The following FGGY variants were observed in gnomAD, a reference collection of about 807,000 sequenced individuals.
The protein encoded by FGGY is FGGY carbohydrate kinase domain-containing protein.
FGGY carries 72 observed loss-of-function variants against 71.3 expected under a neutral mutation model. That is an observed-to-expected ratio of 1.01 (90% CI 0.84 to 1.23). The LOEUF is 1.23. Among genes scored for constraint, FGGY ranks in the 50% most tolerant of loss-of-function variants. FGGY has a pLI of 0.00. For synonymous variants in FGGY, 251 were observed against 250.3 expected (o/e 1.00, Z -0.02); for missense variants, 668 against 682.3 (o/e 0.98, Z 0.23).
chr1:59,719,891 G>A (rs1250880845), intron 14 of FGGY, among the ~76,000 whole-genome samples: 2 of 152,196 alleles, frequency 1.3e-5, no homozygotes, highest in East Asian at 1.9e-4. Flanking sequence ...AGTGTGGCAT[G>A]CATCACCCTT....
chr1:59,455,322 A>C (rs1408159307), intron 5 of FGGY, among the ~76,000 whole-genome samples: 1 of 152,222 alleles, frequency 6.6e-6, no homozygotes, highest in Non-Finnish European at 1.5e-5. Flanking sequence ...ATGAAGGCTA[A>C]CTAAGAGTTA....
chr1:59,673,735 C>T (rs1475062214), intron 13 of FGGY: 2 of 319,536 alleles, frequency 6.3e-6, no homozygotes, highest in Non-Finnish European at 1.2e-5. Flanking sequence ...TGGATCTGAA[C>T]TTGAATCAAA....
intron 14 of FGGY, among the ~76,000 whole-genome samples, chr1:59,684,288 C>T (rs562080773): frequency 4.6e-5 from 7 of 152,184 alleles, no homozygotes; most frequent in Non-Finnish European, 1.0e-4. Context: ...GGGTGAGTTA[C>T]TTAGTTTCTC....
chr1:59,383,597 A>G (rs751856300), intron 5 of FGGY, among the ~76,000 whole-genome samples: 1 of 152,032 alleles, frequency 6.6e-6, no homozygotes, highest in Non-Finnish European at 1.5e-5. Flanking sequence ...CAATACTAAC[A>G]TCAACAAACC....
At chr1:59,421,816 A>G (rs2065487205) in intron 5 of FGGY, among the ~76,000 whole-genome samples, 1 of 151,836 alleles carries the variant, frequency 6.6e-6, no homozygotes, top group Admixed American at 6.6e-5. Context: ...TGACTAGACT[A>G]CCACTCCACA....
rs549410444 is a variant in FGGY at position 59,480,001 on chromosome 1, G to A, written c.670+22925G>A. ...GCTGTCAGTCTTAGGCTCCAAATACGTCTATAATTCATGAACTCTTTCCAC... is the reference window on the plus strand; with the variant it reads ...GCTGTCAGTCTTAGGCTCCAAATACATCTATAATTCATGAACTCTTTCCAC... On this transcript the variant is annotated intron_variant, in intron 6 of 15. Transcript: ENST00000303721. Among the ~76,000 whole-genome samples, 14 of 152,074 alleles carry A rather than the reference G, an allele frequency of 9.2e-5. No homozygotes were observed. The East Asian group carries it at 1.7e-3, about 19-fold the overall frequency.
intron 8 of FGGY, among the ~76,000 whole-genome samples, chr1:59,597,234 C>A (rs1430504271): frequency 6.6e-6 from 1 of 152,170 alleles, no homozygotes; most frequent in Admixed American, 6.5e-5. Context: ...TTGGGAAACA[C>A]TTCCAAAAGG....
Position 59,418,719 on chromosome 1 carries a change from T to TG in FGGY, c.555-38242_555-38241insG, listed in dbSNP as rs1176836246. The stretch of plus-strand genomic sequence containing the variant: ...TGGCAGTTTTTTGATTTTTTCTTTT[T>TG]TTGTGTGTGTGTGTGTGACTCAGTT... On this transcript the variant is annotated intron_variant, in intron 5 of 15. Coordinates refer to ENST00000303721, the MANE Select transcript of FGGY (RefSeq NM_018291.5). 1.2e-3 allele frequency among the ~76,000 whole-genome samples: 189 copies of TG among 152,250 alleles called. 3 individuals are homozygous for TG. The highest frequency in any genetic ancestry group is 3.6e-3 in the African/African-American group (149 of 41,548).
At chr1:59,750,156 A>C (rs925882163) in intron 14 of FGGY, among the ~76,000 whole-genome samples, 1 of 152,140 alleles carries the variant, frequency 6.6e-6, no homozygotes, top group African/African-American at 2.4e-5. Context: ...CCCCAAGCCC[A>C]TTTATCTCTA....
intron 14 of FGGY, among the ~76,000 whole-genome samples, chr1:59,727,866 C>G (rs2097967232): frequency 6.6e-6 from 1 of 152,114 alleles, no homozygotes; most frequent in Non-Finnish European, 1.5e-5. Flanking sequence ...ATTAATGTAA[C>G]TACTACAACT....
intron 4 of FGGY, 38 bp from the exon 5 acceptor site, chr1:59,378,711 A>C: frequency 6.4e-7 from 1 of 1,566,470 alleles, no homozygotes; most frequent in East Asian, 2.3e-5. Context: ...TGGTAGAAAA[A>C]CCCCCTAATT....
intron 12 of FGGY, among the ~76,000 whole-genome samples, chr1:59,662,928 G>T (rs1480244029): frequency 1.3e-5 from 2 of 152,160 alleles, no homozygotes; most frequent in Non-Finnish European, 2.9e-5. Context: ...TAATGTTATT[G>T]TATAAAAGAG....
intron 1 of FGGY, among the ~76,000 whole-genome samples, chr1:59,312,864 A>G (rs1223865059): frequency 1.3e-5 from 2 of 152,226 alleles, no homozygotes; most frequent in African/African-American, 2.4e-5. Flanking sequence ...TGTGAGGCAC[A>G]CATGGGGATT....
intron 14 of FGGY, chr1:59,697,636 A>C: frequency 2.3e-6 from 3 of 1,299,964 alleles, no homozygotes; most frequent in Non-Finnish European, 3.0e-6. Context: ...CATTTTTGTG[A>C]CTTCTTTCCA....
chr1:59,682,713 C>T (rs1192957074), intron 14 of FGGY, among the ~76,000 whole-genome samples: 1 of 152,168 alleles, frequency 6.6e-6, no homozygotes, highest in Non-Finnish European at 1.5e-5. Flanking sequence ...CTGTAGAAGG[C>T]CACATCTCTA....
chr1:59,757,969 G>A lies in FGGY; in HGVS notation c.1551G>A (p.Val517=), dbSNP rs527924877. The change falls in exon 15 of 16, where the codon GTG becomes GTA. Residue 517 remains valine (V), a synonymous_variant. Transcript: ENST00000303721. The part of the protein sequence containing the change: ...MAKMSKVGKV[V]FPRLQDKKYY... ...AAATGAGCAAAGTTGGGAAAGTTGT[G>A]TTCCCGAGACTACAGGATAAAAAGT... is the stretch of plus-strand genomic sequence containing the variant. The A allele has an allele frequency of 6.2e-7, 1 of 1,613,038 alleles. No homozygotes were observed. The highest frequency in any genetic ancestry group is 2.2e-5 in the East Asian group (1 of 44,832).
At chr1:59,587,599 C>G (rs1178578811) in intron 8 of FGGY, among the ~76,000 whole-genome samples, 1 of 152,170 alleles carries the variant, frequency 6.6e-6, no homozygotes, top group Non-Finnish European at 1.5e-5. Context: ...TGAGACAAAA[C>G]TTCCAGAGGA....
At chr1:59,545,930 T>G (rs1471984377) in intron 7 of FGGY, among the ~76,000 whole-genome samples, 33 of 152,224 alleles carry the variant, frequency 2.2e-4, no homozygotes, top group Non-Finnish European at 2.9e-5. Context: ...ACCTGGTACC[T>G]CATTTTCCTT....
At chr1:59,415,419 T>C (rs1416237878) in intron 5 of FGGY, among the ~76,000 whole-genome samples, 1 of 152,168 alleles carries the variant, frequency 6.6e-6, no homozygotes, top group Non-Finnish European at 1.5e-5. Flanking sequence ...TATTTAGAAA[T>C]ATGTTAGTAC....
Sources: gnomAD v4.1 joint callset for allele counts (sites outside exome capture counted in the v4.1 genomes callset) on GRCh38, gnomAD v4.1.1 for gene constraint, MANE v1.5 for transcripts, NCBI Gene and HGNC (gene_info 2026-07-23, HGNC 2026-07-21) for gene names.